Variants in GARNL3 observed in about 807,000 individuals in gnomAD.
The protein encoded by GARNL3 is GTPase-activating Rap/Ran-GAP domain-like protein 3.
Under a neutral mutation model 125.0 loss-of-function variants are expected in GARNL3, and 63 were observed. The observed-to-expected ratio is 0.50, with a 90% confidence interval of 0.41 to 0.62. GARNL3 has a LOEUF of 0.62. Among genes scored for constraint, GARNL3 ranks in the 20% least tolerant of loss-of-function variants. GARNL3 has a pLI of 0.00. For missense variants in GARNL3, 994 were observed against 1,244.0 expected (o/e 0.80, Z 3.02); for synonymous variants, 439 against 457.5 (o/e 0.96, Z 0.52).
At position 127,355,429 on chromosome 9, in the gene GARNL3, C is replaced by T; in HGVS notation, c.1892C>T (p.Ser631Phe). The part of the protein sequence containing the change: ...PSGVTSTSLL[S>F]PLSESPVEEF... ...GGGGTCACCAGCACCTCATTGTTATCTCCCCTGTCTGAGTCACCTGTTGAA... is the reference window on the plus strand; with the variant it reads ...GGGGTCACCAGCACCTCATTGTTATTTCCCCTGTCTGAGTCACCTGTTGAA... The change falls in exon 20 of 28, where the codon TCT becomes TTT. Residue 631 changes from serine to phenylalanine, a missense_variant. Around this residue, in one of 5 missense-constraint regions of GARNL3, gnomAD observed 728 missense variants for 865.7 expected, o/e 0.84. Coordinates refer to ENST00000373387, the MANE Select transcript of GARNL3 (RefSeq NM_032293.5). The T allele has an allele frequency of 1.2e-6, 2 of 1,614,240 alleles. No homozygotes were observed. The highest frequency in any genetic ancestry group is 1.7e-6 in the Non-Finnish European group (2 of 1,180,022).
At chr9:127,335,137 C>T in intron 9 of GARNL3, 93 bp from the exon 10 acceptor site, 1 of 856,048 alleles carries the variant, frequency 1.2e-6, no homozygotes, top group Admixed American at 1.8e-5. Flanking sequence ...GGAGAATGTC[C>T]TGTATACAGT....
chr9:127,338,084 G>C (rs1324991403), intron 11 of GARNL3, 32 bp from the exon 12 acceptor site: 2 of 1,547,862 alleles, frequency 1.3e-6, no homozygotes, highest in Admixed American at 3.3e-5. Context: ...GAGCATCAGT[G>C]TTGTGATTAG....
chr9:127,292,904 G>T lies in GARNL3; in HGVS notation c.219+1662G>T, dbSNP rs79802115. Among the ~76,000 whole-genome samples the T allele has an allele frequency of 5.4e-3, 823 of 152,326 alleles. 23 individuals carry two copies. In the East Asian group the frequency reaches 0.082, roughly 15 times the overall value. ...CAGCAATGTGGCCTTGGGCAGTTCA[G>T]TTGACATCTTGGGAACAATTTGGGG... On this transcript the variant is annotated intron_variant, in intron 2 of 27. Coordinates refer to ENST00000373387, the MANE Select transcript of GARNL3 (RefSeq NM_032293.5).
At chr9:127,361,781 G>A (rs1184510452) in intron 21 of GARNL3, 1 of 152,162 alleles carries the variant, frequency 6.6e-6, no homozygotes, top group African/African-American at 2.4e-5. Context: ...TTGATGCCAA[G>A]TACCCCCCTG....
Position 127,384,507 on chromosome 9 carries a change from C to T in GARNL3, c.2270-520C>T, listed in dbSNP as rs1832438148. On this transcript the variant is annotated intron_variant, in intron 23 of 27. Coordinates refer to ENST00000373387, the MANE Select transcript of GARNL3 (RefSeq NM_032293.5). The surrounding 1 kb of genome is among the most constrained non-coding windows in gnomAD (Gnocchi z 4.0). Reference sequence around the variant, plus strand: ...AAATAACTCAGCAAACCCCTTGATGCCGAGGGACACTGCGAGGGCCAGTGA... The same window carrying T: ...AAATAACTCAGCAAACCCCTTGATGTCGAGGGACACTGCGAGGGCCAGTGA... Among the ~76,000 whole-genome samples, 1 of 152,142 alleles carries T rather than the reference C, an allele frequency of 6.6e-6. No individual in the cohort carries two copies. Among genetic ancestry groups the T allele is most frequent in the African/African-American group, 2.4e-5 (1 of 41,426 alleles).
chr9:127,389,560 C>A (rs542396937), intron 26 of GARNL3, among the ~76,000 whole-genome samples: 1 of 152,256 alleles, frequency 6.6e-6, no homozygotes, highest in East Asian at 1.9e-4. Context: ...TATTACTTCT[C>A]CCAGCCCTAG....
intron 2 of GARNL3, among the ~76,000 whole-genome samples, chr9:127,302,407 A>G (rs2064825512): frequency 6.6e-6 from 1 of 152,140 alleles, no homozygotes; most frequent in Non-Finnish European, 1.5e-5. Flanking sequence ...AACAGCATCA[A>G]TTTCTTTCAG....
intron 21 of GARNL3, among the ~76,000 whole-genome samples, chr9:127,358,834 G>T (rs574410871): frequency 1.3e-5 from 2 of 152,164 alleles, no homozygotes. Flanking sequence ...ATGGTCCCCA[G>T]ATAATTGTAA....
intron 13 of GARNL3, among the ~76,000 whole-genome samples, chr9:127,341,902 G>A (rs910405216): frequency 6.6e-6 from 1 of 152,162 alleles, no homozygotes; most frequent in Non-Finnish European, 1.5e-5. Context: ...GGACCAGGAG[G>A]GGTTGGTGCG....
intron 22 of GARNL3, among the ~76,000 whole-genome samples, chr9:127,380,598 A>G (rs1383022431): frequency 6.6e-6 from 1 of 152,212 alleles, no homozygotes; most frequent in Non-Finnish European, 1.5e-5. Flanking sequence ...GTGGAATATT[A>G]TTTGGCCATA....
chr9:127,291,891 G>C (rs373843704), intron 2 of GARNL3, among the ~76,000 whole-genome samples: 7 of 152,150 alleles, frequency 4.6e-5, no homozygotes, highest in East Asian at 3.9e-4. Context: ...CCCTGGGCAA[G>C]GACCCCAGCC....
upstream of GARNL3, among the ~76,000 whole-genome samples, chr9:127,259,809 GA>G (rs1262145113): frequency 6.6e-6 from 1 of 151,972 alleles, no homozygotes; most frequent in African/African-American, 2.4e-5. Context: ...ACTGAGGTGG[GA>G]GGATCACTTG....
intron 22 of GARNL3, among the ~76,000 whole-genome samples, chr9:127,376,726 A>G (rs1831939937): frequency 6.6e-6 from 1 of 152,180 alleles, no homozygotes; most frequent in Non-Finnish European, 1.5e-5. Flanking sequence ...TAAGAAGAAC[A>G]ATTTTGTAGT....
At position 127,385,406 on chromosome 9, in the gene GARNL3, A is replaced by C. The variant is rs577446589; in HGVS notation, c.2388+261A>C. Among the ~76,000 whole-genome samples, 4 of 152,282 alleles carry C rather than the reference A, an allele frequency of 2.6e-5. No individual in the cohort carries two copies. Among genetic ancestry groups the C allele is most frequent in the Admixed American group, 2.6e-4 (4 of 15,294 alleles). On this transcript the variant is annotated intron_variant, in intron 24 of 27. Transcript: ENST00000373387. This position sits in a 1 kb window ranked among gnomAD's most constrained non-coding sequence, Gnocchi z 4.1. ...GGCAGCTGGGGAGCACTTAGCTGAA[A>C]AGAGATATCCCCGCTCAGAGACTGG...
In GARNL3 at chr9:127,269,772, GTTTTGTT is replaced by G. The variant is rs200777783; in HGVS notation, c.144+4758_144+4764del. 6.9e-3 allele frequency among the ~76,000 whole-genome samples: 804 copies of G among 116,914 alleles called. 11 individuals carry two copies. The highest frequency in any genetic ancestry group is 0.068 in the East Asian group (244 of 3,604). 76.7% of individuals were successfully genotyped at this position (116,914 alleles called of 152,430 possible). A position where few individuals can be genotyped will look rare whatever the true frequency, so the allele number is the denominator to read the frequency against. On this transcript the variant is annotated intron_variant, in intron 1 of 27. Transcript: ENST00000373387. ...CATTCTTGAATTGGGTTTTTGTTTTGTTTTGTTTTTTGTGTTTTTTTTTTTTTTTGCT... is the reference window on the plus strand; with the variant it reads ...CATTCTTGAATTGGGTTTTTGTTTTGTTTTGTGTTTTTTTTTTTTTTTGCT...
At chr9:127,299,023 A>G (rs1588793298) in intron 2 of GARNL3, among the ~76,000 whole-genome samples, 1 of 152,308 alleles carries the variant, frequency 6.6e-6, no homozygotes, top group East Asian at 1.9e-4. Flanking sequence ...AAAGAGAGAA[A>G]GAGAAAAGTC....
At chr9:127,387,100 C>G (rs1832580128) in intron 24 of GARNL3, 93 bp from the exon 25 acceptor site, 3 of 1,312,892 alleles carry the variant, frequency 2.3e-6, no homozygotes, top group Non-Finnish European at 3.2e-6. Flanking sequence ...AGGATGGGGA[C>G]CAGTTGGAGG....
chr9:127,377,592 G>C (rs1424047653), intron 22 of GARNL3, among the ~76,000 whole-genome samples: 2 of 151,918 alleles, frequency 1.3e-5, no homozygotes, highest in East Asian at 3.9e-4. Flanking sequence ...TTCGAGACCA[G>C]ACTGGCCAAC....
intron 8 of GARNL3, 35 bp downstream of exon 8, chr9:127,332,384 A>G (rs762678799): frequency 1.3e-6 from 2 of 1,551,938 alleles, no homozygotes; most frequent in East Asian, 2.2e-5. Context: ...GCTGCCAGAG[A>G]CCCTGTCCTG....
Sources: allele counts gnomAD v4.1 joint callset (sites outside exome capture counted in the v4.1 genomes callset), GRCh38; gene constraint gnomAD v4.1.1; regional missense constraint gnomAD v4.1.1; non-coding constraint Gnocchi (gnomAD v3.1); transcripts MANE v1.5; gene names NCBI Gene and HGNC (gene_info 2026-07-23, HGNC 2026-07-21).